TBXAS1: variants seen among roughly 807,000 people sequenced by gnomAD.
TBXAS1 encodes thromboxane A synthase 1.
TBXAS1 carries 48 observed loss-of-function variants against 60.7 expected under a neutral mutation model. The ratio of observed to expected loss-of-function variants is 0.79; its 90% CI spans 0.63 to 1.01. The LOEUF is 1.01. TBXAS1 is among the 50% of genes least tolerant of loss of function. The pLI is 0.00. For synonymous variants in TBXAS1, 287 were observed against 269.7 expected (o/e 1.06, Z -0.63); for missense variants, 685 against 686.3 (o/e 1.00, Z 0.02).
chr7:139,908,753 AT>A (rs1368068754), intron 3 of TBXAS1, among the ~76,000 whole-genome samples: 3 of 152,102 alleles, frequency 2.0e-5, no homozygotes, highest in Non-Finnish European at 4.4e-5. Flanking sequence ...ATTTTTATCC[AT>A]TTCATTGTCC....
intron 5 of TBXAS1, among the ~76,000 whole-genome samples, chr7:139,937,427 A>G (rs972166071): frequency 3.9e-5 from 6 of 152,186 alleles, no homozygotes; most frequent in Non-Finnish European, 7.4e-5. Context: ...CCAGAAGAGG[A>G]GGGGGTTCCA....
intron 1 of TBXAS1, among the ~76,000 whole-genome samples, chr7:139,849,300 GC>G (rs1800038164): frequency 1.3e-5 from 2 of 151,972 alleles, no homozygotes; most frequent in African/African-American, 4.8e-5. Flanking sequence ...GATCAGTTGA[GC>G]CCAGGATGTG....
intron 12 of TBXAS1, among the ~76,000 whole-genome samples, chr7:140,019,229 T>C (rs1272715987): frequency 6.6e-6 from 1 of 152,128 alleles, no homozygotes; most frequent in Non-Finnish European, 1.5e-5. Context: ...AGTGAACGCA[T>C]CCACATACTC....
rs1212249521 is a variant in TBXAS1 at position 139,896,137 on chromosome 7, G to C, written c.237-15088G>C. Among the ~76,000 whole-genome samples, 1 of 152,144 alleles carries C rather than the reference G, an allele frequency of 6.6e-6. No individual in the cohort carries two copies. The highest frequency in any genetic ancestry group is 2.4e-5 in the African/African-American group (1 of 41,430). ...CTTGCTCTTAAGGGTGAGGCGCTCTGCTAGCTTCTCAGGGATGCACGGACA... is the reference window on the plus strand; with the variant it reads ...CTTGCTCTTAAGGGTGAGGCGCTCTCCTAGCTTCTCAGGGATGCACGGACA... On this transcript the variant is annotated intron_variant, in intron 3 of 12. Coordinates refer to ENST00000448866, the MANE Select transcript of TBXAS1 (RefSeq NM_001061.7). This position sits in a 1 kb window ranked among gnomAD's most constrained non-coding sequence, Gnocchi z 4.0.
At chr7:140,012,476 T>G (rs7797234) in intron 10 of TBXAS1, among the ~76,000 whole-genome samples, 64,874 of 150,072 alleles carry the variant, frequency 0.43, 14,468 homozygotes, top group East Asian at 0.57. Context: ...TTTTTTTTTT[T>G]TTTTGAGACG....
chr7:139,913,313 G>A (rs1204974190), intron 4 of TBXAS1: 2 of 593,692 alleles, frequency 3.4e-6, no homozygotes, highest in African/African-American at 3.7e-5. Context: ...GTAGCTTGTT[G>A]CTCCATCAGC....
chr7:140,016,502 T>C, intron 11 of TBXAS1: 1 of 243,712 alleles, frequency 4.1e-6, no homozygotes, highest in South Asian at 4.4e-5. Flanking sequence ...GGATACAGGA[T>C]TGTATTTCAG....
In TBXAS1 at chr7:139,864,237, C is replaced by T. The variant is rs113911176; in HGVS notation, c.90-7998C>T. ...AGTCCAGAAGGATCATTGATTACAACGCTGGCATTAAAAAAAAAAAAAGGT... is the reference window on the plus strand; with the variant it reads ...AGTCCAGAAGGATCATTGATTACAATGCTGGCATTAAAAAAAAAAAAAGGT... On this transcript the variant is annotated intron_variant, in intron 1 of 12. Transcript: ENST00000448866. Among the ~76,000 whole-genome samples, 675 of 148,718 alleles carry T rather than the reference C, an allele frequency of 4.5e-3. 4 individuals carry two copies. Among genetic ancestry groups the T allele is most frequent in the African/African-American group, 0.016 (639 of 40,448 alleles).
At chr7:139,786,475 A>AAG in intron 3 of TBXAS1, among the ~76,000 whole-genome samples, 1 of 152,344 alleles carries the variant, frequency 6.6e-6, no homozygotes. Flanking sequence ...AAAGTTTCAC[A>AAG]GATAGACCTT....
At chr7:139,787,437 T>A (rs1003192093) in intron 4 of TBXAS1, 2 of 152,228 alleles carry the variant, frequency 1.3e-5, no homozygotes, top group Admixed American at 6.5e-5. Flanking sequence ...GTAAGATTTT[T>A]AAAAATATCC....
chr7:139,965,263 T>C (rs921004599), intron 9 of TBXAS1, among the ~76,000 whole-genome samples: 5 of 151,704 alleles, frequency 3.3e-5, no homozygotes, highest in Non-Finnish European at 2.9e-5. Flanking sequence ...GTACAGACTG[T>C]TGCAAAGCAC....
intron 1 of TBXAS1, among the ~76,000 whole-genome samples, 191 bp from the exon 2 acceptor site, chr7:139,872,044 G>A (rs1801857719): frequency 6.6e-6 from 1 of 152,208 alleles, no homozygotes; most frequent in Admixed American, 6.5e-5. Flanking sequence ...TCACTCAACA[G>A]GAGGTTGACT....
At chr7:139,890,360 C>T (rs887236470) in intron 3 of TBXAS1, among the ~76,000 whole-genome samples, 4 of 151,670 alleles carry the variant, frequency 2.6e-5, no homozygotes, top group South Asian at 2.1e-4. Context: ...GGACTACAGG[C>T]GCCCGCCACT....
chr7:139,829,881 A>G (rs943328391), intron 1 of TBXAS1, among the ~76,000 whole-genome samples: 12 of 152,186 alleles, frequency 7.9e-5, no homozygotes, highest in Non-Finnish European at 1.6e-4. Flanking sequence ...ATTACATTCA[A>G]AACAAAACAA....
At chr7:139,841,352 T>C (rs1440398926) in intron 1 of TBXAS1, among the ~76,000 whole-genome samples, 1 of 152,144 alleles carries the variant, frequency 6.6e-6, no homozygotes, top group Non-Finnish European at 1.5e-5. Context: ...AAGACAACAT[T>C]AGTGTTTGTA....
chr7:140,003,124 C>CAA (rs762640788), intron 9 of TBXAS1, among the ~76,000 whole-genome samples: 6 of 33,160 alleles, frequency 1.8e-4, no homozygotes, highest in Admixed American at 3.1e-4. Context: ...AACTCCGTCT[C>CAA]AAAAAAAAAA....
At chr7:139,954,422 G>A (rs1267154902) in intron 6 of TBXAS1, among the ~76,000 whole-genome samples, 1 of 152,206 alleles carries the variant, frequency 6.6e-6, no homozygotes, top group African/African-American at 2.4e-5. Flanking sequence ...ATCACATTCA[G>A]TAGTCTCATT....
chr7:140,016,010 G>C (rs1815013309), intron 11 of TBXAS1, 150 bp downstream of exon 11: 1 of 1,186,694 alleles, frequency 8.4e-7, no homozygotes, highest in Non-Finnish European at 1.2e-6. Context: ...ATGTTTGCAA[G>C]ACATAATTTC....
chr7:139,976,643 T>C lies in TBXAS1; in HGVS notation c.1134+14410T>C, dbSNP rs1481737537. Among the ~76,000 whole-genome samples the C allele has an allele frequency of 3.3e-5, 5 of 152,326 alleles. No homozygotes were observed. The East Asian group carries it at 9.6e-4, about 29-fold the overall frequency. On this transcript the variant is annotated intron_variant, in intron 9 of 12. Transcript: ENST00000448866. ...CCAAGATCAGCCAGGGGTGTTTCCA[T>C]GTCCTCAAGAACTTTTACAAACTGT...
Sources: gnomAD v4.1 joint callset for allele counts (sites outside exome capture counted in the v4.1 genomes callset) on GRCh38, gnomAD v4.1.1 for gene constraint, Gnocchi (gnomAD v3.1) non-coding constraint, MANE v1.5 for transcripts, NCBI Gene and HGNC (gene_info 2026-07-23, HGNC 2026-07-21) for gene names.